Variants in PLXNA4 observed in about 807,000 individuals in gnomAD.
The protein encoded by PLXNA4 is plexin-A4.
PLXNA4 carries 44 observed loss-of-function variants against 191.8 expected under a neutral mutation model. The observed-to-expected ratio is 0.23, with a 90% confidence interval of 0.18 to 0.29. The LOEUF is 0.29. Ranked by LOEUF, PLXNA4 falls within the 10% of genes least tolerant of loss-of-function variation. PLXNA4 has a pLI of 1.00. For synonymous variants in PLXNA4, 1,082 were observed against 1,009.5 expected, an observed-to-expected ratio of 1.07 and a Z score of -1.36; for missense variants, 1,800 against 2,488.8, an observed-to-expected ratio of 0.72 and a Z score of 5.89.
intron 2 of PLXNA4, among the ~76,000 whole-genome samples, chr7:132,626,691 C>CTT (rs369279308): frequency 6.6e-5 from 10 of 152,184 alleles, no homozygotes; most frequent in African/African-American, 2.4e-4. Context: ...AATTAAACCT[C>CTT]TTTTTTTTAA....
chr7:132,253,572 C>G (rs1036831443), intron 4 of PLXNA4, among the ~76,000 whole-genome samples: 2 of 152,112 alleles, frequency 1.3e-5, no homozygotes, highest in African/African-American at 2.4e-5. Context: ...CACAAGATTT[C>G]TAATATTCTG....
At chr7:132,626,177 G>T (rs147476616) in intron 2 of PLXNA4, among the ~76,000 whole-genome samples, 7 of 152,186 alleles carry the variant, frequency 4.6e-5, no homozygotes, top group African/African-American at 1.7e-4. Flanking sequence ...TACCTTCTAA[G>T]TACCTCTGAA....
rs192254430 is a variant in PLXNA4 at position 132,184,340 on chromosome 7, G to A, written c.3158+959C>T. On this transcript the variant is annotated intron_variant, in intron 16 of 31. Coordinates refer to ENST00000321063, the MANE Select transcript of PLXNA4 (RefSeq NM_020911.2). Reference sequence around the variant, plus strand: ...CCCCAGGCAGGTGAGAACTGTTAAGGCCACTGGGCTGGTAAGCAGTGGAGC... The same window carrying A: ...CCCCAGGCAGGTGAGAACTGTTAAGACCACTGGGCTGGTAAGCAGTGGAGC... Among the ~76,000 whole-genome samples the A allele has an allele frequency of 1.1e-3, 170 of 152,368 alleles. 1 individual carries two copies. Among genetic ancestry groups the A allele is most frequent in the African/African-American group, 3.8e-3 (158 of 41,588 alleles).
chr7:132,521,780 G>A (rs1180289188), intron 1 of PLXNA4, among the ~76,000 whole-genome samples: 1 of 152,172 alleles, frequency 6.6e-6, no homozygotes, highest in Non-Finnish European at 1.5e-5. Flanking sequence ...TAAAGTAGAT[G>A]TGTCCTCAAC....
chr7:132,448,102 A>T (rs1795980769), intron 3 of PLXNA4, among the ~76,000 whole-genome samples: 1 of 152,198 alleles, frequency 6.6e-6, no homozygotes, highest in African/African-American at 2.4e-5. Context: ...AGTACATTGG[A>T]CTACTAGGTT....
chr7:132,241,558 ACTCT>A (rs939475545), intron 4 of PLXNA4, among the ~76,000 whole-genome samples: 1 of 151,818 alleles, frequency 6.6e-6, no homozygotes, highest in African/African-American at 2.4e-5. Context: ...GGTCATTCTC[ACTCT>A]CTCATGGTTT....
At chr7:132,159,358 G>T (rs2116627546) in intron 25 of PLXNA4, 115 bp downstream of exon 25, 4 of 1,503,362 alleles carry the variant, frequency 2.7e-6, no homozygotes, top group East Asian at 2.3e-5. Flanking sequence ...ACTCCCTCCA[G>T]CCAGTGATTA....
chr7:132,533,723 C>G (rs1799717715), intron 1 of PLXNA4, among the ~76,000 whole-genome samples: 1 of 152,298 alleles, frequency 6.6e-6, no homozygotes, highest in South Asian at 2.1e-4. Flanking sequence ...GCTCTGCTCT[C>G]CCTTCTGTGC....
At chr7:132,169,247 G>T (rs1796213591) in intron 21 of PLXNA4, among the ~76,000 whole-genome samples, 2 of 152,240 alleles carry the variant, frequency 1.3e-5, no homozygotes, top group Non-Finnish European at 2.9e-5. Context: ...CCTGCTCTAT[G>T]CAGGGGAAGA....
chr7:132,620,869 A>T (rs1388300941), intron 2 of PLXNA4, among the ~76,000 whole-genome samples: 1 of 152,186 alleles, frequency 6.6e-6, no homozygotes, highest in African/African-American at 2.4e-5. Flanking sequence ...TATTTCTCAC[A>T]GGTCTGGTGG....
intron 1 of PLXNA4, among the ~76,000 whole-genome samples, chr7:132,539,770 A>T (rs1799990872): frequency 6.6e-6 from 1 of 152,236 alleles, no homozygotes; most frequent in African/African-American, 2.4e-5. Context: ...GCTAATATTG[A>T]TCTTCCTAAA....
At chr7:132,137,501 A>G (rs1202705158) in intron 30 of PLXNA4, among the ~76,000 whole-genome samples, 1 of 152,274 alleles carries the variant, frequency 6.6e-6, no homozygotes, top group Non-Finnish European at 1.5e-5. Context: ...TGGTGATGAC[A>G]CTGTTGTGTT....
intron 4 of PLXNA4, among the ~76,000 whole-genome samples, chr7:132,244,179 A>C (rs1045084086): frequency 6.6e-6 from 1 of 152,158 alleles, no homozygotes; most frequent in Admixed American, 6.5e-5. Flanking sequence ...AACTTGGACA[A>C]GTCTCTCCTG....
At chr7:132,154,912 G>C (rs183396987) in intron 25 of PLXNA4, among the ~76,000 whole-genome samples, 1 of 152,266 alleles carries the variant, frequency 6.6e-6, no homozygotes, top group African/African-American at 2.4e-5. Context: ...AGGGAGAGAG[G>C]GAGGTGAAAT....
rs1798415942 is a variant in PLXNA4 at position 132,228,605 on chromosome 7, T to A, written c.1605-136A>T. 5 of 1,154,656 alleles carry A rather than the reference T, an allele frequency of 4.3e-6. No homozygotes were observed. The Admixed American group carries it at 1.3e-4, about 30-fold the overall frequency. 71.5% of individuals were successfully genotyped at this position (1,154,656 alleles called of 1,614,324 possible). On this transcript the variant is annotated intron_variant, in intron 5 of 31. Coordinates refer to ENST00000321063, the MANE Select transcript of PLXNA4 (RefSeq NM_020911.2). ...TGCGCCCAGAGCTAACCTTTTTGTGTCCTTCCTCAAGCCTGGTCCTCCTCC... is the reference window on the plus strand; with the variant it reads ...TGCGCCCAGAGCTAACCTTTTTGTGACCTTCCTCAAGCCTGGTCCTCCTCC...
chr7:132,211,564 C>T (rs139752552), intron 9 of PLXNA4, among the ~76,000 whole-genome samples: 27 of 152,314 alleles, frequency 1.8e-4, no homozygotes, highest in African/African-American at 5.5e-4. Context: ...TGAGAAGCTC[C>T]GCAGAGAGGC....
chr7:132,404,292 C>T (rs1177043127), intron 3 of PLXNA4, among the ~76,000 whole-genome samples: 23 of 152,182 alleles, frequency 1.5e-4, no homozygotes, highest in Admixed American at 8.5e-4. Flanking sequence ...GAAAGCTTTC[C>T]AAAGACCCCT....
intron 2 of PLXNA4, among the ~76,000 whole-genome samples, chr7:132,635,059 T>C (rs1387403062): frequency 1.3e-5 from 2 of 152,020 alleles, no homozygotes; most frequent in Non-Finnish European, 2.9e-5. Flanking sequence ...AACACTGGAC[T>C]CCAAGCTCTT....
At chr7:132,533,406 T>C (rs1799704461) in intron 1 of PLXNA4, among the ~76,000 whole-genome samples, 1 of 152,102 alleles carries the variant, frequency 6.6e-6, no homozygotes, top group Non-Finnish European at 1.5e-5. Flanking sequence ...AAGAATTAAC[T>C]TGTCTCCAGA....
Sources: gnomAD v4.1 joint callset for allele counts (sites outside exome capture counted in the v4.1 genomes callset) on GRCh38, gnomAD v4.1.1 for gene constraint, MANE v1.5 for transcripts, NCBI Gene and HGNC (gene_info 2026-07-23, HGNC 2026-07-21) for gene names.